The following RSPRY1 variants were observed in gnomAD, a reference collection of about 807,000 sequenced individuals.
RSPRY1 encodes the protein ring finger and SPRY domain containing 1.
Under a neutral mutation model 73.1 loss-of-function variants are expected in RSPRY1, and 23 were observed. The ratio of observed to expected loss-of-function variants is 0.31; its 90% CI spans 0.23 to 0.45. The LOEUF is 0.45. Ranked by LOEUF, RSPRY1 falls within the 20% of genes least tolerant of loss-of-function variation. The pLI is 1.00. For missense variants in RSPRY1, 448 were observed against 698.7 expected, an observed-to-expected ratio of 0.64 and a Z score of 4.05; for synonymous variants, 226 against 251.4, an observed-to-expected ratio of 0.90 and a Z score of 0.95.
intron 1 of RSPRY1, among the ~76,000 whole-genome samples, chr16:57,198,610 CT>C (rs1287662587): frequency 6.6e-6 from 1 of 151,874 alleles, no homozygotes; most frequent in Admixed American, 6.6e-5. Context: ...ATTCTTTTTG[CT>C]TTTTTTTCCC....
At chr16:57,189,067 C>A (rs2074303900) in intron 1 of RSPRY1, among the ~76,000 whole-genome samples, 1 of 149,202 alleles carries the variant, frequency 6.7e-6, no homozygotes, top group Admixed American at 6.7e-5. Flanking sequence ...GATCTCAGCT[C>A]ACTGCAACCT....
intron 2 of RSPRY1, 150 bp downstream of exon 2, chr16:57,205,158 G>T (rs2074701472): frequency 6.6e-6 from 4 of 606,396 alleles, no homozygotes; most frequent in Admixed American, 3.0e-5. Flanking sequence ...TCCGCTGATG[G>T]CAGAGTAAAT....
chr16:57,194,730 A>G (rs1218244379), intron 1 of RSPRY1, among the ~76,000 whole-genome samples: 1 of 152,146 alleles, frequency 6.6e-6, no homozygotes, highest in Non-Finnish European at 1.5e-5. Flanking sequence ...CTGCAGTCCT[A>G]TTTTCAAAGA....
At chr16:57,229,110 A>G (rs1226224391) in intron 11 of RSPRY1, among the ~76,000 whole-genome samples, 1 of 152,230 alleles carries the variant, frequency 6.6e-6, no homozygotes, top group Non-Finnish European at 1.5e-5. Context: ...AATTATCATT[A>G]TAGACCATTC....
At chr16:57,219,868 T>C (rs1328215989) in intron 8 of RSPRY1, 2 of 152,232 alleles carry the variant, frequency 1.3e-5, no homozygotes, top group African/African-American at 4.8e-5. Context: ...TTTATTCTTT[T>C]GCTTATGGAT....
intron 14 of RSPRY1, among the ~76,000 whole-genome samples, chr16:57,237,686 T>A (rs1167524095): frequency 6.6e-6 from 1 of 151,318 alleles, no homozygotes; most frequent in Non-Finnish European, 1.5e-5. Flanking sequence ...TTTATTTTTT[T>A]ATTTTTATTT....
intron 1 of RSPRY1, among the ~76,000 whole-genome samples, chr16:57,202,878 T>TTTTA (rs1237175240): frequency 7.6e-6 from 1 of 131,638 alleles, no homozygotes; most frequent in Non-Finnish European, 1.6e-5. Flanking sequence ...TTACATATGA[T>TTTTA]TATATATATA....
intron 7 of RSPRY1, chr16:57,216,428 G>C: frequency 4.5e-6 from 2 of 440,436 alleles, no homozygotes; most frequent in Non-Finnish European, 8.0e-6. Flanking sequence ...GTGATTGCTA[G>C]TTTCTAGAAA....
chr16:57,229,263 C>A (rs1597923692), intron 11 of RSPRY1, among the ~76,000 whole-genome samples: 2 of 152,260 alleles, frequency 1.3e-5, no homozygotes, highest in South Asian at 4.1e-4. Context: ...TGTGTAATTT[C>A]ATTTGTTTAT....
chr16:57,194,351 A>G (rs1439544138), intron 1 of RSPRY1, among the ~76,000 whole-genome samples: 1 of 152,220 alleles, frequency 6.6e-6, no homozygotes, highest in African/African-American at 2.4e-5. Flanking sequence ...TGGTGGGTAT[A>G]TAGTTCACAG....
rs80302553 is a variant in RSPRY1 at position 57,205,059 on chromosome 16, C to T, written c.350+51C>T. 9,087 of 1,418,578 alleles carry T rather than the reference C, an allele frequency of 6.4e-3. 93 individuals are homozygous for T. The highest frequency in any genetic ancestry group is 0.025 in the Middle Eastern group (134 of 5,384). 87.9% of individuals were successfully genotyped at this position (1,418,578 alleles called of 1,614,324 possible). A position where few individuals can be genotyped will look rare whatever the true frequency, so the allele number is the denominator to read the frequency against. On this transcript the variant is annotated intron_variant, in intron 2 of 14. Coordinates refer to ENST00000394420, the MANE Select transcript of RSPRY1 (RefSeq NM_133368.3). ...CCAGTGGAATGAAAAGTGTTCTGCC[C>T]GGAACCATGACTTTAGGACTCCTTC...
chr16:57,191,081 T>G (rs939211603), intron 1 of RSPRY1, among the ~76,000 whole-genome samples: 4 of 152,220 alleles, frequency 2.6e-5, no homozygotes, highest in Non-Finnish European at 5.9e-5. Flanking sequence ...ATAGGTCCTA[T>G]GTACCTCAAA....
intron 14 of RSPRY1, among the ~76,000 whole-genome samples, chr16:57,237,045 G>A (rs1364655516): frequency 1.2e-4 from 18 of 152,094 alleles, no homozygotes; most frequent in African/African-American, 4.3e-4. Context: ...GTGGGCGCCT[G>A]TAATCCCAGC....
At chr16:57,218,724 T>C (rs202168996) in intron 8 of RSPRY1, among the ~76,000 whole-genome samples, 1 of 46,724 alleles carries the variant, frequency 2.1e-5, no homozygotes, top group Non-Finnish European at 4.1e-5. Context: ...CATTTTCTTT[T>C]TTTTTTTTTT....
At chr16:57,197,690 C>T (rs189184628) in intron 1 of RSPRY1, among the ~76,000 whole-genome samples, 1 of 152,042 alleles carries the variant, frequency 6.6e-6, no homozygotes. Flanking sequence ...TTCTTACCTT[C>T]GTATTTAGTC....
intron 10 of RSPRY1, 100 bp from the exon 11 acceptor site, chr16:57,227,242 G>T: frequency 1.3e-6 from 1 of 768,868 alleles, no homozygotes; most frequent in Non-Finnish European, 2.3e-6. Context: ...AGAAAGCTTA[G>T]AATCCCAGCC....
chr16:57,239,188 A>AG lies in RSPRY1; in HGVS notation c.*215dup, dbSNP rs1291164077. On this transcript the variant is annotated 3_prime_UTR_variant, in exon 15 of 15. Coordinates refer to ENST00000394420, the MANE Select transcript of RSPRY1 (RefSeq NM_133368.3). Reference sequence around the variant, plus strand: ...CCTGAGAAAATCCCTTTTAAGGCCAAGGAAAGCTGAATGCTAGCAGCCAGG... The same window carrying AG: ...CCTGAGAAAATCCCTTTTAAGGCCAAGGGAAAGCTGAATGCTAGCAGCCAGG... 3.3e-6 allele frequency: 1 copy of AG among 307,154 alleles called. No homozygotes were observed. The allele number at this position is 307,154 out of a possible 1,614,324, so 19.0% of individuals were successfully genotyped here.
At chr16:57,187,701 C>T (rs1299114610) in intron 1 of RSPRY1, among the ~76,000 whole-genome samples, 1 of 152,150 alleles carries the variant, frequency 6.6e-6, no homozygotes, top group Non-Finnish European at 1.5e-5. Flanking sequence ...TTAATACAGT[C>T]GTTGTCTGTC....
At chr16:57,204,039 T>G (rs2074676771) in intron 1 of RSPRY1, among the ~76,000 whole-genome samples, 1 of 152,170 alleles carries the variant, frequency 6.6e-6, no homozygotes, top group South Asian at 2.1e-4. Flanking sequence ...CGTCTGTAAT[T>G]ATTTTATTTA....
Sources: gnomAD v4.1 joint callset for allele counts (sites outside exome capture counted in the v4.1 genomes callset) on GRCh38, gnomAD v4.1.1 for gene constraint, MANE v1.5 for transcripts, NCBI Gene and HGNC (gene_info 2026-07-23, HGNC 2026-07-21) for gene names.